TAX1BP1: variants seen among roughly 807,000 people sequenced by gnomAD.
TAX1BP1 encodes Tax1 binding protein 1, also known as tax1-binding protein 1.
TAX1BP1 carries 62 observed loss-of-function variants against 97.7 expected under a neutral mutation model. The observed-to-expected ratio is 0.63, with a 90% CI of 0.52 to 0.78. The LOEUF (loss-of-function observed/expected upper bound fraction) is 0.78, where lower values mean the gene tolerates loss of function less well. Among genes scored for constraint, TAX1BP1 ranks in the 30% least tolerant of loss-of-function variants. TAX1BP1 has a pLI of 0.00. For synonymous variants in TAX1BP1, 340 were observed against 304.2 expected (o/e 1.12, Z -1.23); for missense variants, 867 against 916.1 (o/e 0.95, Z 0.69).
chr7:27,771,253 C>CT (rs111798171), intron 5 of TAX1BP1, among the ~76,000 whole-genome samples: 8,720 of 133,528 alleles, frequency 0.065, 873 homozygotes, highest in African/African-American at 0.22. Context: ...TAATGTCAAT[C>CT]TTTTTTTTTT....
At chr7:27,809,221 A>G (rs993405708) in intron 13 of TAX1BP1, among the ~76,000 whole-genome samples, 1 of 152,248 alleles carries the variant, frequency 6.6e-6, no homozygotes, top group African/African-American at 2.4e-5. Flanking sequence ...ATTTAGCAGC[A>G]TGTCTGATAA....
At chr7:27,798,848 G>C (rs890699311) in intron 12 of TAX1BP1, among the ~76,000 whole-genome samples, 1 of 149,510 alleles carries the variant, frequency 6.7e-6, no homozygotes. Context: ...GTGAGTGGTC[G>C]AATCTTTTTG....
Position 27,765,446 on chromosome 7 carries a change from G to T in TAX1BP1, c.266-388G>T, listed in dbSNP as rs1334348808. ...ACATGTAATGAATGTCAAATTGGAG[G>T]GAAGATTTCTCTAAATGACATATTC... On this transcript the variant is annotated intron_variant, in intron 3 of 16. Transcript: ENST00000396319. Among the ~76,000 whole-genome samples, 5 of 152,062 alleles carry T rather than the reference G, an allele frequency of 3.3e-5. No homozygotes were observed. In the East Asian group the frequency reaches 7.7e-4, roughly 23 times the overall value.
chr7:27,752,664 C>T (rs967765962), intron 2 of TAX1BP1, among the ~76,000 whole-genome samples: 6 of 152,002 alleles, frequency 3.9e-5, no homozygotes, highest in Non-Finnish European at 8.8e-5. Flanking sequence ...TTTTTCACTC[C>T]CTCTGAAGTA....
chr7:27,769,878 G>A, intron 5 of TAX1BP1, 44 bp downstream of exon 5: 2 of 1,579,318 alleles, frequency 1.3e-6, no homozygotes, highest in Non-Finnish European at 1.7e-6. Context: ...ATAGTATATT[G>A]CCTGAAACCC....
intron 15 of TAX1BP1, among the ~76,000 whole-genome samples, chr7:27,824,427 G>A (rs1392930408): frequency 6.6e-6 from 1 of 151,472 alleles, no homozygotes; most frequent in African/African-American, 2.4e-5. Flanking sequence ...GGTGGTACAC[G>A]CCGGTAGTCC....
chr7:27,770,371 C>T lies in TAX1BP1; in HGVS notation c.612+537C>T, dbSNP rs537141500. On this transcript the variant is annotated intron_variant, in intron 5 of 16. Coordinates refer to ENST00000396319, the MANE Select transcript of TAX1BP1 (RefSeq NM_006024.7). ...AATGAAGCAGAAAACATTGTGGCTT[C>T]ATTAGTGATAGAAATAGACTTGTAA... 2.6e-5 allele frequency among the ~76,000 whole-genome samples: 4 copies of T among 152,076 alleles called. No homozygotes were observed. In the South Asian group the frequency reaches 8.3e-4, roughly 32 times the overall value.
rs1782605696 is a variant in TAX1BP1, at chr7:27,829,284, A to G, written c.*455A>G. 6.6e-6 allele frequency: 1 copy of G among 152,654 alleles called. No homozygotes were observed. Among genetic ancestry groups the G allele is most frequent in the Non-Finnish European group, 1.5e-5 (1 of 68,360 alleles). The allele number at this position is 152,654 out of a possible 1,614,324, so 9.5% of individuals were successfully genotyped here. On this transcript the variant is annotated 3_prime_UTR_variant, in exon 17 of 17. Transcript: ENST00000396319. ...ACAGTCTTATGAAGTAGTTCTTCGA[A>G]TATAGAAAGTTCTATAATTTAGCCC...
chr7:27,774,895 C>A (rs1247377137), intron 5 of TAX1BP1, among the ~76,000 whole-genome samples: 2 of 152,252 alleles, frequency 1.3e-5, no homozygotes, highest in African/African-American at 4.8e-5. Context: ...ACTCAGCAGT[C>A]ATTTGTCTCC....
intron 4 of TAX1BP1, among the ~76,000 whole-genome samples, chr7:27,768,538 AT>A (rs202201299): frequency 0.016 from 2,459 of 152,032 alleles, 29 homozygotes; most frequent in Non-Finnish European, 0.027. Flanking sequence ...ATATATCTTT[AT>A]TTTTAAGTTG....
At chr7:27,826,891 C>G (rs770380299) in intron 15 of TAX1BP1, among the ~76,000 whole-genome samples, 2 of 152,192 alleles carry the variant, frequency 1.3e-5, no homozygotes, top group Non-Finnish European at 2.9e-5. Flanking sequence ...GTTGGACTTG[C>G]TTCCCCAAGA....
chr7:27,742,375 C>T (rs992719131), intron 1 of TAX1BP1, among the ~76,000 whole-genome samples: 15 of 152,182 alleles, frequency 9.9e-5, no homozygotes, highest in Non-Finnish European at 1.9e-4. Context: ...GGTGATGACT[C>T]TTAAGGAGCA....
At chr7:27,749,453 G>A (rs1787944723) in intron 2 of TAX1BP1, among the ~76,000 whole-genome samples, 1 of 152,176 alleles carries the variant, frequency 6.6e-6, no homozygotes, top group Non-Finnish European at 1.5e-5. Flanking sequence ...TTTTATTTTA[G>A]TTAAGATTTT....
chr7:27,757,765 A>G (rs1034211577), intron 2 of TAX1BP1, among the ~76,000 whole-genome samples: 1 of 152,040 alleles, frequency 6.6e-6, no homozygotes, highest in Non-Finnish European at 1.5e-5. Context: ...GATCATATGG[A>G]TAGTTAGATT....
intron 16 of TAX1BP1, among the ~76,000 whole-genome samples, chr7:27,828,210 C>G (rs138041441): frequency 1.3e-5 from 2 of 152,294 alleles, no homozygotes; most frequent in East Asian, 3.9e-4. Context: ...GATTCTGATG[C>G]ATACAAGCAT....
chr7:27,814,348 T>A (rs1250313149), intron 13 of TAX1BP1, among the ~76,000 whole-genome samples: 1 of 152,204 alleles, frequency 6.6e-6, no homozygotes, highest in African/African-American at 2.4e-5. Flanking sequence ...ACATATGGGC[T>A]ATTACAGGAC....
chr7:27,812,562 C>A (rs1376323388), intron 13 of TAX1BP1, among the ~76,000 whole-genome samples: 1 of 151,658 alleles, frequency 6.6e-6, no homozygotes, highest in Non-Finnish European at 1.5e-5. Context: ...TTGCCTAAAT[C>A]AAGGTTATGA....
At chr7:27,805,220 A>C (rs1239580846) in intron 13 of TAX1BP1, among the ~76,000 whole-genome samples, 1 of 152,218 alleles carries the variant, frequency 6.6e-6, no homozygotes, top group African/African-American at 2.4e-5. Flanking sequence ...GATTAGGAAT[A>C]GTACCTTAGT....
At chr7:27,815,420 A>G (rs1790729173) in intron 13 of TAX1BP1, among the ~76,000 whole-genome samples, 1 of 152,202 alleles carries the variant, frequency 6.6e-6, no homozygotes, top group Admixed American at 6.5e-5. Context: ...ATTAAAAGGT[A>G]AATTACATTT....
Sources: allele counts gnomAD v4.1 joint callset (sites outside exome capture counted in the v4.1 genomes callset), GRCh38; gene constraint gnomAD v4.1.1; transcripts MANE v1.5; gene names NCBI Gene and HGNC (gene_info 2026-07-23, HGNC 2026-07-21).